ACSL4: variants seen among roughly 807,000 people sequenced by gnomAD.
ACSL4 encodes long-chain-fatty-acid--CoA ligase 4.
A neutral mutation model predicts 49.1 loss-of-function variants in ACSL4; 9 were observed. The observed-to-expected ratio is 0.18, with a 90% confidence interval of 0.11 to 0.32. ACSL4 has a LOEUF of 0.32. Ranked by LOEUF, ACSL4 falls within the 10% of genes least tolerant of loss-of-function variation. The pLI is 1.00. For missense variants in ACSL4, 333 were observed against 493.7 expected, an observed-to-expected ratio of 0.67 and a Z score of 3.08; for synonymous variants, 191 against 170.3, an observed-to-expected ratio of 1.12 and a Z score of -0.95.
intron 11 of ACSL4, among the ~76,000 whole-genome samples, chrX:109,666,413 G>C (rs921487516): frequency 3.6e-5 from 4 of 111,708 alleles, no homozygotes; most frequent in African/African-American, 1.3e-4. Flanking sequence ...CTGGAGAGAA[G>C]AGCCAGGCAT....
At chrX:109,647,089 C>T (rs1478192920) in intron 15 of ACSL4, among the ~76,000 whole-genome samples, 1 of 111,029 alleles carries the variant, frequency 9.0e-6, no homozygotes, top group Non-Finnish European at 1.9e-5. Context: ...CTTTAACACC[C>T]CACTGTCAAC....
At chrX:109,670,623 TCCTCTC>T (rs1227110119) in intron 9 of ACSL4, among the ~76,000 whole-genome samples, 12 of 102,931 alleles carry the variant, frequency 1.2e-4, no homozygotes, top group Non-Finnish European at 2.2e-4. Context: ...CTCCTCTCCC[TCCTCTC>T]CCTCTCCCTC....
chrX:109,671,850 G>C, intron 9 of ACSL4, among the ~76,000 whole-genome samples: 1 of 110,756 alleles, frequency 9.0e-6, no homozygotes, highest in Admixed American at 9.5e-5. Flanking sequence ...TGCAAGATGT[G>C]CTTTGTTAAA....
At chrX:109,711,387 A>C (rs1926737912) in intron 1 of ACSL4, among the ~76,000 whole-genome samples, 1 of 112,087 alleles carries the variant, frequency 8.9e-6, no homozygotes, top group Non-Finnish European at 1.9e-5. Flanking sequence ...CCAATATGCT[A>C]CAGCCAGATG....
intron 8 of ACSL4, 64 bp downstream of exon 8, chrX:109,677,921 GTAA>G (rs1923854991): frequency 8.4e-7 from 1 of 1,189,086 alleles, no homozygotes; most frequent in Admixed American, 2.2e-5. Context: ...TCGAGTCCTA[GTAA>G]TATGTTCTCA....
chrX:109,667,284 G>T (rs1922740291), intron 11 of ACSL4, among the ~76,000 whole-genome samples: 1 of 112,558 alleles, frequency 8.9e-6, no homozygotes, highest in Non-Finnish European at 1.9e-5. Context: ...ATGTTTCATT[G>T]TCACAGCTGG....
In ACSL4 at chrX:109,691,750, C is replaced by T. The variant is rs746213293; in HGVS notation, c.-13+4394G>A. ...ATCATGTAAAATATATGTATCATTA[C>T]GGCACTTGTCTCATCTGATTCAAAT... On this transcript the variant is annotated intron_variant, in intron 2 of 15. Coordinates refer to ENST00000672401, the MANE Select transcript of ACSL4 (RefSeq NM_001318510.2). 2.4e-4 allele frequency among the ~76,000 whole-genome samples: 27 copies of T among 112,279 alleles called. 1 individual carries two copies. The highest frequency in any genetic ancestry group is 6.6e-4 in the Admixed American group (7 of 10,591).
At chrX:109,731,089 A>T (rs1156266579) in intron 1 of ACSL4, among the ~76,000 whole-genome samples, 5 of 111,833 alleles carry the variant, frequency 4.5e-5, no homozygotes, top group Admixed American at 1.9e-4. Flanking sequence ...GAGTTTATAG[A>T]TTTTCACATA....
At chrX:109,674,599 G>A in intron 8 of ACSL4, 126 bp from the exon 9 acceptor site, 1 of 507,675 alleles carries the variant, frequency 2.0e-6, no homozygotes, top group Non-Finnish European at 3.4e-6. Flanking sequence ...GTGATTATCT[G>A]TTAACAACTA....
At chrX:109,724,613 A>C (rs1416605747) in intron 1 of ACSL4, among the ~76,000 whole-genome samples, 2 of 111,258 alleles carry the variant, frequency 1.8e-5, no homozygotes, top group African/African-American at 6.5e-5. Flanking sequence ...TGCCCAACTA[A>C]ATTTTTGTAT....
intron 1 of ACSL4, among the ~76,000 whole-genome samples, chrX:109,729,599 G>A (rs1189552899): frequency 8.9e-6 from 1 of 111,867 alleles, no homozygotes; most frequent in Non-Finnish European, 1.9e-5. Flanking sequence ...AGAAATTTAT[G>A]TTCACACAAA....
At chrX:109,718,115 C>T (rs1038905017) in intron 1 of ACSL4, among the ~76,000 whole-genome samples, 2 of 112,417 alleles carry the variant, frequency 1.8e-5, no homozygotes, top group Admixed American at 9.4e-5. Flanking sequence ...ACTCACTCCT[C>T]ACAATGCAAA....
chrX:109,722,641 A>C (rs1363301494), intron 1 of ACSL4, among the ~76,000 whole-genome samples: 1 of 111,569 alleles, frequency 9.0e-6, no homozygotes, highest in Non-Finnish European at 1.9e-5. Context: ...AACTGACTCA[A>C]CATTAAAGAC....
chrX:109,689,442 C>A (rs1217577027), intron 2 of ACSL4, among the ~76,000 whole-genome samples: 1 of 111,958 alleles, frequency 8.9e-6, no homozygotes, highest in African/African-American at 3.3e-5. Context: ...CCATATGACT[C>A]ACCCAGAATA....
intron 1 of ACSL4, among the ~76,000 whole-genome samples, chrX:109,696,448 T>C (rs760075180): frequency 1.8e-5 from 2 of 111,961 alleles, no homozygotes; most frequent in East Asian, 5.6e-4. Flanking sequence ...GCAAGAGCCA[T>C]GTTCTTAACT....
chrX:109,660,173 A>G (rs1408008422), intron 14 of ACSL4, among the ~76,000 whole-genome samples: 2 of 111,445 alleles, frequency 1.8e-5, no homozygotes, highest in African/African-American at 6.5e-5. Flanking sequence ...ATAGAAAAAA[A>G]AAATTTGCAA....
intron 2 of ACSL4, among the ~76,000 whole-genome samples, chrX:109,687,587 G>A (rs1278435429): frequency 9.0e-6 from 1 of 111,619 alleles, no homozygotes; most frequent in Non-Finnish European, 1.9e-5. Flanking sequence ...GGGATGGAGG[G>A]CTAGGGGAGG....
chrX:109,650,494 A>C (rs1934969788), intron 15 of ACSL4, among the ~76,000 whole-genome samples: 1 of 84,510 alleles, frequency 1.2e-5, no homozygotes, highest in African/African-American at 4.6e-5. Context: ...ACGTGGACAC[A>C]GGAAGGGGAA....
At chrX:109,695,131 G>C (rs1925331473) in intron 2 of ACSL4, among the ~76,000 whole-genome samples, 1 of 110,687 alleles carries the variant, frequency 9.0e-6, no homozygotes, top group Non-Finnish European at 1.9e-5. Flanking sequence ...AGAATCACGA[G>C]GTCAGGAGTT....
Sources: gnomAD v4.1 joint callset for allele counts (sites outside exome capture counted in the v4.1 genomes callset) on GRCh38, gnomAD v4.1.1 for gene constraint, MANE v1.5 for transcripts, NCBI Gene and HGNC (gene_info 2026-07-23, HGNC 2026-07-21) for gene names.